The following SENP7 variants were observed in gnomAD, a reference collection of about 807,000 sequenced individuals.
SENP7 encodes SUMO specific peptidase 7.
A neutral mutation model predicts 141.2 loss-of-function variants in SENP7; 64 were observed. That is an observed-to-expected ratio of 0.45 (90% confidence interval 0.37 to 0.56). SENP7 has a LOEUF of 0.56. SENP7 is among the 20% of genes least tolerant of loss of function. The pLI, the probability that SENP7 is intolerant of heterozygous loss-of-function variation, is 0.00. For missense variants in SENP7, 1,025 were observed against 1,212.2 expected, an observed-to-expected ratio of 0.85 and a Z score of 2.29; for synonymous variants, 382 against 426.4, an observed-to-expected ratio of 0.90 and a Z score of 1.28.
intron 6 of SENP7, among the ~76,000 whole-genome samples, chr3:101,398,455 G>A (rs778882051): frequency 1.3e-5 from 2 of 152,150 alleles, no homozygotes; most frequent in South Asian, 2.1e-4. Flanking sequence ...ACGAGACTCC[G>A]CCTCAAAAAA....
chr3:101,447,522 A>G (rs1357980231), intron 4 of SENP7, among the ~76,000 whole-genome samples: 1 of 152,228 alleles, frequency 6.6e-6, no homozygotes, highest in Non-Finnish European at 1.5e-5. Flanking sequence ...AGTATTTAGG[A>G]ATAAACTTAA....
chr3:101,414,183 A>G, intron 5 of SENP7: 2 of 559,296 alleles, frequency 3.6e-6, no homozygotes, highest in South Asian at 4.3e-5. Context: ...AAAAATAACT[A>G]TATATGGCCG....
intron 22 of SENP7, among the ~76,000 whole-genome samples, chr3:101,328,260 C>T (rs1029443060): frequency 6.6e-6 from 1 of 152,000 alleles, no homozygotes; most frequent in South Asian, 2.1e-4. Flanking sequence ...ATTATGAATA[C>T]AAATTCTGAA....
At chr3:101,398,340 G>T (rs1419023309) in intron 6 of SENP7, among the ~76,000 whole-genome samples, 1 of 152,080 alleles carries the variant, frequency 6.6e-6, no homozygotes, top group Non-Finnish European at 1.5e-5. Context: ...CGTGCCTGTA[G>T]TCCCAGCTAC....
At chr3:101,473,930 T>C (rs1164239672) in intron 3 of SENP7, among the ~76,000 whole-genome samples, 1 of 152,208 alleles carries the variant, frequency 6.6e-6, no homozygotes, top group African/African-American at 2.4e-5. Context: ...GGAAGGGGTC[T>C]AGTTTTAATT....
chr3:101,399,482 A>G (rs2061069372), intron 5 of SENP7, among the ~76,000 whole-genome samples: 1 of 152,236 alleles, frequency 6.6e-6, no homozygotes, highest in African/African-American at 2.4e-5. Flanking sequence ...CAATTGGGAA[A>G]TGACAAATAA....
At chr3:101,475,826 C>T (rs190386813) in intron 3 of SENP7, among the ~76,000 whole-genome samples, 138 of 152,228 alleles carry the variant, frequency 9.1e-4, no homozygotes, top group South Asian at 2.7e-3. Context: ...AACATATTTA[C>T]ACCCAATACA....
Position 101,513,193 on chromosome 3 carries a change from G to T in SENP7, c.-63C>A. 1 of 566,662 alleles carries T rather than the reference G, an allele frequency of 1.8e-6. No homozygotes were observed. Among genetic ancestry groups the T allele is most frequent in the Non-Finnish European group, 3.1e-6 (1 of 320,176 alleles). The allele number at this position is 566,662 out of a possible 1,614,324, so 35.1% of individuals were successfully genotyped here. A position where few individuals can be genotyped will look rare whatever the true frequency, so the allele number is the denominator to read the frequency against. On this transcript the variant is annotated 5_prime_UTR_variant, in exon 1 of 24. Transcript: ENST00000394095. ...CACCTCAGGACCCCTCCGGCTTGGA[G>T]AGGGAGGGGGAGGGGAAAGGAAAAA...
chr3:101,400,516 T>C (rs2061104212), intron 5 of SENP7, among the ~76,000 whole-genome samples: 1 of 150,376 alleles, frequency 6.6e-6, no homozygotes, highest in African/African-American at 2.5e-5. Context: ...ATTATTATTA[T>C]ATCTAGTATG....
intron 3 of SENP7, among the ~76,000 whole-genome samples, chr3:101,486,963 A>G (rs1485364824): frequency 1.3e-5 from 2 of 152,232 alleles, no homozygotes; most frequent in African/African-American, 2.4e-5. Context: ...GAGCAGGAGT[A>G]GCTATTCTTA....
chr3:101,424,405 C>A (rs940408056), intron 4 of SENP7, among the ~76,000 whole-genome samples: 4 of 151,432 alleles, frequency 2.6e-5, no homozygotes, highest in African/African-American at 7.3e-5. Flanking sequence ...TGTGCATGCA[C>A]CCTGCCCTGC....
chr3:101,345,782 G>T (rs558592229), intron 13 of SENP7, among the ~76,000 whole-genome samples: 17 of 152,250 alleles, frequency 1.1e-4, no homozygotes, highest in African/African-American at 4.1e-4. Context: ...ATGGATCAAA[G>T]ACTTAAATCT....
At chr3:101,421,115 T>C (rs988543344) in intron 4 of SENP7, among the ~76,000 whole-genome samples, 1 of 152,142 alleles carries the variant, frequency 6.6e-6, no homozygotes, top group Non-Finnish European at 1.5e-5. Context: ...ATAATTGTTA[T>C]GTAAGAGAAT....
chr3:101,443,534 C>A (rs1444914731), intron 4 of SENP7, among the ~76,000 whole-genome samples: 1 of 151,678 alleles, frequency 6.6e-6, no homozygotes, highest in Non-Finnish European at 1.5e-5. Flanking sequence ...TATAAATTAC[C>A]TTGGGCGGTA....
At chr3:101,440,459 A>T (rs1661780193) in intron 4 of SENP7, among the ~76,000 whole-genome samples, 1 of 121,670 alleles carries the variant, frequency 8.2e-6, no homozygotes, top group Non-Finnish European at 1.7e-5. Flanking sequence ...TCCTCTGCCT[A>T]GGAAAACCAG....
At chr3:101,447,622 T>C (rs976909231) in intron 4 of SENP7, among the ~76,000 whole-genome samples, 1 of 152,224 alleles carries the variant, frequency 6.6e-6, no homozygotes, top group Non-Finnish European at 1.5e-5. Flanking sequence ...CCATGTTTAT[T>C]AATCTGAACA....
At chr3:101,377,768 C>T (rs1003468309) in intron 6 of SENP7, among the ~76,000 whole-genome samples, 2 of 152,172 alleles carry the variant, frequency 1.3e-5, no homozygotes, top group African/African-American at 2.4e-5. Flanking sequence ...GGAAAATACA[C>T]AATTCCAAGA....
At chr3:101,449,133 A>C (rs1377230410) in intron 4 of SENP7, among the ~76,000 whole-genome samples, 1 of 152,188 alleles carries the variant, frequency 6.6e-6, no homozygotes, top group African/African-American at 2.4e-5. Flanking sequence ...TCAGTGATGG[A>C]ACATGAAATG....
chr3:101,349,293 A>T (rs73157875), intron 12 of SENP7, among the ~76,000 whole-genome samples: 1,773 of 152,290 alleles, frequency 0.012, 12 homozygotes, highest in Middle Eastern at 0.017. Context: ...AATGCTACTC[A>T]GCATTTCTTT....
Sources: gnomAD v4.1 joint callset for allele counts (sites outside exome capture counted in the v4.1 genomes callset) on GRCh38, gnomAD v4.1.1 for gene constraint, MANE v1.5 for transcripts, NCBI Gene and HGNC (gene_info 2026-07-23, HGNC 2026-07-21) for gene names.